Variants in DAB1 observed in about 807,000 individuals in gnomAD.
DAB1 encodes DAB adaptor protein 1.
In DAB1, 15 loss-of-function variants were observed where a neutral mutation model predicts 64.6. That is an observed-to-expected ratio of 0.23 (90% CI 0.16 to 0.36). DAB1 has a LOEUF of 0.36. Ranked by LOEUF, DAB1 falls within the 10% of genes least tolerant of loss-of-function variation. The pLI is 1.00. For synonymous variants in DAB1, 235 were observed against 251.9 expected, an observed-to-expected ratio of 0.93 and a Z score of 0.64; for missense variants, 596 against 706.7, an observed-to-expected ratio of 0.84 and a Z score of 1.78.
intron 3 of DAB1, among the ~76,000 whole-genome samples, chr1:58,503,014 CATT>C (rs1157203639): frequency 1.3e-5 from 2 of 152,094 alleles, no homozygotes; most frequent in Non-Finnish European, 1.5e-5. Flanking sequence ...CTAATCAATT[CATT>C]ATTATTTTAA....
intron 5 of DAB1, among the ~76,000 whole-genome samples, chr1:57,931,593 C>T (rs1271414375): frequency 4.6e-5 from 7 of 152,242 alleles, no homozygotes; most frequent in East Asian, 1.9e-4. Flanking sequence ...GTGTCTGTCA[C>T]GGAGTTGATC....
At chr1:57,068,500 A>G (rs1005978225) in intron 8 of DAB1, among the ~76,000 whole-genome samples, 1 of 152,244 alleles carries the variant, frequency 6.6e-6, no homozygotes, top group African/African-American at 2.4e-5. Flanking sequence ...AGTAATACAC[A>G]CCCAAGGCAG....
intron 6 of DAB1, among the ~76,000 whole-genome samples, chr1:57,782,142 C>T (rs1259746602): frequency 7.1e-6 from 1 of 140,068 alleles, no homozygotes; most frequent in African/African-American, 2.7e-5. Context: ...CCAACTCCTA[C>T]TCAAACAGCA....
chr1:58,118,969 T>C (rs568785109), intron 5 of DAB1, among the ~76,000 whole-genome samples: 1 of 152,184 alleles, frequency 6.6e-6, no homozygotes, highest in East Asian at 1.9e-4. Context: ...ACTAGTTCAA[T>C]ACTAGCCATT....
chr1:57,869,361 C>G (rs1168584396), intron 1 of DAB1, among the ~76,000 whole-genome samples: 1 of 152,062 alleles, frequency 6.6e-6, no homozygotes, highest in African/African-American at 2.4e-5. Context: ...TAATGTTCAT[C>G]CTTGTATCTC....
chr1:57,187,825 G>C (rs749245661), intron 2 of DAB1, among the ~76,000 whole-genome samples: 1 of 152,000 alleles, frequency 6.6e-6, no homozygotes, highest in African/African-American at 2.4e-5. Flanking sequence ...CGCTGATTGA[G>C]TCACTGAAAG....
chr1:58,066,650 G>A (rs79207637), intron 5 of DAB1, among the ~76,000 whole-genome samples: 2,283 of 152,190 alleles, frequency 0.015, 55 homozygotes, highest in African/African-American at 0.052. Flanking sequence ...GTAGAGCCAG[G>A]CTTCAAATTC....
chr1:57,188,631 T>C (rs1053849840), intron 2 of DAB1, among the ~76,000 whole-genome samples: 1 of 122,740 alleles, frequency 8.1e-6, no homozygotes, highest in African/African-American at 3.6e-5. Flanking sequence ...AAAGTCCCAA[T>C]GCTTTCCCAG....
intron 3 of DAB1, among the ~76,000 whole-genome samples, chr1:58,347,142 T>C (rs1295278372): frequency 1.3e-5 from 2 of 152,192 alleles, no homozygotes; most frequent in Non-Finnish European, 1.5e-5. Flanking sequence ...AGTTTCGCTC[T>C]TGTTGCCCAG....
chr1:58,051,051 T>G (rs1358064122), intron 5 of DAB1, among the ~76,000 whole-genome samples: 1 of 152,110 alleles, frequency 6.6e-6, no homozygotes, highest in East Asian at 1.9e-4. Context: ...AGAAGAAATT[T>G]TTTTTATATA....
At chr1:57,118,435 G>A (rs148187395) in intron 4 of DAB1, among the ~76,000 whole-genome samples, 6 of 152,280 alleles carry the variant, frequency 3.9e-5, no homozygotes, top group Non-Finnish European at 8.8e-5. Flanking sequence ...ATTCCACCAA[G>A]AAAGATTATT....
chr1:58,380,907 A>G (rs750434418), intron 3 of DAB1, among the ~76,000 whole-genome samples: 9 of 152,244 alleles, frequency 5.9e-5, no homozygotes, highest in Admixed American at 6.5e-5. Context: ...CCCATCAATG[A>G]TAGATTGGAT....
chr1:57,535,356 C>A (rs1398001069), intron 7 of DAB1, among the ~76,000 whole-genome samples: 5 of 151,972 alleles, frequency 3.3e-5, no homozygotes, highest in Non-Finnish European at 7.4e-5. Context: ...ATGAATGAAT[C>A]ATGAACTAAT....
At chr1:58,067,743 T>C (rs79114744) in intron 5 of DAB1, among the ~76,000 whole-genome samples, 2,380 of 152,340 alleles carry the variant, frequency 0.016, 55 homozygotes, top group African/African-American at 0.055. Context: ...GCCATACGTA[T>C]ACTAGCTGGG....
At chr1:58,347,346 G>A (rs926337279) in intron 3 of DAB1, among the ~76,000 whole-genome samples, 3 of 152,144 alleles carry the variant, frequency 2.0e-5, no homozygotes, top group African/African-American at 4.8e-5. Flanking sequence ...GACCTCAGGC[G>A]ATTCACCCGC....
intron 6 of DAB1, among the ~76,000 whole-genome samples, chr1:57,670,185 G>A (rs932216848): frequency 1.5e-4 from 23 of 151,994 alleles, no homozygotes; most frequent in African/African-American, 5.6e-4. Context: ...ACTTATTGTG[G>A]GTGTTACATA....
intron 4 of DAB1, among the ~76,000 whole-genome samples, chr1:58,237,666 T>A (rs147850866): frequency 6.6e-6 from 1 of 152,326 alleles, no homozygotes; most frequent in African/African-American, 2.4e-5. Flanking sequence ...ACACTGTCAC[T>A]GAAATGCTCC....
intron 5 of DAB1, among the ~76,000 whole-genome samples, chr1:58,042,302 C>T (rs1409144209): frequency 1.3e-5 from 2 of 152,160 alleles, no homozygotes; most frequent in Non-Finnish European, 2.9e-5. Flanking sequence ...TAAATAGAGG[C>T]TTTAAAACTG....
At chr1:58,187,902 G>T (rs1279416034) in intron 4 of DAB1, among the ~76,000 whole-genome samples, 1 of 128,010 alleles carries the variant, frequency 7.8e-6, no homozygotes, top group African/African-American at 3.0e-5. Flanking sequence ...TGACCTGTGA[G>T]ATAAGAATTT....
Sources: gnomAD v4.1 joint callset for allele counts (sites outside exome capture counted in the v4.1 genomes callset) on GRCh38, gnomAD v4.1.1 for gene constraint, MANE v1.5 for transcripts, NCBI Gene and HGNC (gene_info 2026-07-23, HGNC 2026-07-21) for gene names.